The following RELA variants were observed in gnomAD, a reference collection of about 807,000 sequenced individuals.
RELA encodes transcription factor p65.
A neutral mutation model predicts 56.7 loss-of-function variants in RELA; 14 were observed. The observed-to-expected ratio is 0.25, with a 90% CI of 0.16 to 0.39. RELA has a LOEUF of 0.39. RELA is among the 10% of genes least tolerant of loss of function. The probability of loss-of-function intolerance (pLI) is 1.00; values close to 1 mark genes in which losing one functional copy is unlikely to be tolerated. For missense variants in RELA, 559 were observed against 736.4 expected, an observed-to-expected ratio of 0.76 and a Z score of 2.79; for synonymous variants, 315 against 289.7, an observed-to-expected ratio of 1.09 and a Z score of -0.89.
rs1393561951 is a variant in RELA, at chr11:65,658,371, G to C, written c.793C>G (p.Pro265Ala). 1 of 1,613,890 alleles carries C rather than the reference G, an allele frequency of 6.2e-7. No individual in the cohort carries two copies. Among genetic ancestry groups the C allele is most frequent in the South Asian group, 1.1e-5 (1 of 90,990 alleles). Residue 265 changes from proline (P) to alanine (A), a missense_variant, in exon 8 of 11, where the codon CCT becomes GCT. Physicochemically the swap from Pro to Ala is conservative, Grantham distance 27. Around this residue, in one of 4 missense-constraint regions of RELA, gnomAD observed 365 missense variants for 387.5 expected, o/e 0.94. Coordinates refer to ENST00000406246, the MANE Select transcript of RELA (RefSeq NM_021975.4). The surrounding 1 kb of genome is among the most constrained non-coding windows in gnomAD (Gnocchi z 4.5). ...PPYADPSLQAPVRVSMQLRRP... is the reference protein window; with the variant it reads ...PPYADPSLQAAVRVSMQLRRP... ...CGCAGCTGCATGGAGACACGCACAGGAGCCTGCAGGCTGGGGTCTGCGTAG... is the reference window on the plus strand; with the variant it reads ...CGCAGCTGCATGGAGACACGCACAGCAGCCTGCAGGCTGGGGTCTGCGTAG...
intron 5 of RELA, 60 bp from the exon 6 acceptor site, chr11:65,659,857 G>T (rs1378817983): frequency 3.9e-6 from 6 of 1,555,322 alleles, no homozygotes; most frequent in Middle Eastern, 2.0e-4. Context: ...TGCTATCAGT[G>T]GGGGCAGGGA....
rs761466503 is a variant in RELA at position 65,655,850 on chromosome 11, C to A, written c.958+5G>T. 1 of 1,614,042 alleles carries A rather than the reference C, an allele frequency of 6.2e-7. No individual in the cohort carries two copies. Among genetic ancestry groups the A allele is most frequent in the Non-Finnish European group, 8.5e-7 (1 of 1,179,904 alleles). Reference sequence around the variant, plus strand: ...CCTCTCTGGCTTTCCCAGTCCCCATCTCACCGCTGAAAGGACTCTTCTTCA... The same window carrying A: ...CCTCTCTGGCTTTCCCAGTCCCCATATCACCGCTGAAAGGACTCTTCTTCA... On this transcript the variant is annotated splice_donor_5th_base_variant and intron_variant, in intron 9 of 10. Coordinates refer to ENST00000406246, the MANE Select transcript of RELA (RefSeq NM_021975.4).
intron 6 of RELA, 126 bp downstream of exon 6, chr11:65,659,540 G>C: frequency 1.6e-6 from 2 of 1,234,812 alleles, no homozygotes; most frequent in Non-Finnish European, 2.3e-6. Flanking sequence ...GGGCAGAGAA[G>C]AGTAGACAAA....
At position 65,656,950 on chromosome 11, in the gene RELA, C is replaced by T. The variant is rs369177886; in HGVS notation, c.878-1015G>A. 4.8e-4 allele frequency among the ~76,000 whole-genome samples: 73 copies of T among 152,136 alleles called. 1 individual carries two copies. Among genetic ancestry groups the T allele is most frequent in the East Asian group, 3.5e-3 (18 of 5,180 alleles). On this transcript the variant is annotated intron_variant, in intron 8 of 10. Transcript: ENST00000406246. ...TGAGGCAGGGAGAATCACTTGAACC[C>T]GGGAGGTGGAGGTTGCAGTGAGCCG...
chr11:65,658,914 G>T lies in RELA; in HGVS notation c.560-92C>A. On this transcript the variant is annotated intron_variant, in intron 6 of 10. Transcript: ENST00000406246. This position sits in a 1 kb window ranked among gnomAD's most constrained non-coding sequence, Gnocchi z 4.5. ...ATGCAACTTCCCTGCCCAGCCCAGA[G>T]TCAAGGTTGCCCAGAGCTTGCCACC... is the stretch of plus-strand genomic sequence containing the variant. 9.4e-7 allele frequency: 1 copy of T among 1,065,996 alleles called. No homozygotes were observed. Among genetic ancestry groups the T allele is most frequent in the Non-Finnish European group, 1.5e-6 (1 of 689,368 alleles). 66.0% of individuals were successfully genotyped at this position (1,065,996 alleles called of 1,614,324 possible). A position where few individuals can be genotyped will look rare whatever the true frequency, so the allele number is the denominator to read the frequency against.
At chr11:65,661,598 G>T (rs2135571054) in intron 4 of RELA, 89 bp downstream of exon 4, 1 of 1,269,992 alleles carries the variant, frequency 7.9e-7, no homozygotes, top group Non-Finnish European at 1.1e-6. Context: ...TTCTGCCCTG[G>T]GTCCAGAAAG....
chr11:65,659,731 A>G lies in RELA; in HGVS notation c.494T>C (p.Val165Ala), dbSNP rs957917859. ...GAGGGGCCTGCCTGATGGGTCCCGCACTGTCACCTGGAAGCAGAGCCGCAC... is the reference window on the plus strand; with the variant it reads ...GAGGGGCCTGCCTGATGGGTCCCGCGCTGTCACCTGGAAGCAGAGCCGCAC... ...NAVRLCFQVT[V>A]RDPSGRPLRL... The change falls in exon 6 of 11, where the codon GTG (valine) becomes GCG (alanine). Residue 165 changes from valine (V) to alanine (A), a missense_variant. By Grantham distance (64) the Val-to-Ala change is moderately conservative. Coordinates refer to ENST00000406246, the MANE Select transcript of RELA (RefSeq NM_021975.4). 4.3e-6 allele frequency: 7 copies of G among 1,613,764 alleles called. No homozygotes were observed. The highest frequency in any genetic ancestry group is 5.9e-6 in the Non-Finnish European group (7 of 1,179,990).
chr11:65,661,923 G>T lies in RELA; in HGVS notation c.186+14C>A. On this transcript the variant is annotated intron_variant, in intron 3 of 10. Transcript: ENST00000406246. ...CCACAGTCCCTTCCCCGCACACCCT[G>T]GCGCAGTGCTGACCTTGATGGTGGG... 6.2e-7 allele frequency: 1 copy of T among 1,611,752 alleles called. No homozygotes were observed. Among genetic ancestry groups the T allele is most frequent in the Non-Finnish European group, 8.5e-7 (1 of 1,178,658 alleles).
At position 65,659,786 on chromosome 11, in the gene RELA, C is replaced by G; in HGVS notation, c.439G>C (p.Glu147Gln). The change falls in exon 6 of 11, where the codon GAG becomes CAG. Residue 147 changes from glutamate to glutamine, a missense_variant. Coordinates refer to ENST00000406246, the MANE Select transcript of RELA (RefSeq NM_021975.4). The part of the protein sequence containing the change: ...NNNPFQVPIE[E>Q]QRGDYDLNAV... ...TTCAGGTCGTAGTCCCCACGCTGCT[C>G]TTCTATAGGAACTGCCAAGAAAACA... The G allele has an allele frequency of 6.2e-7, 1 of 1,611,788 alleles. No homozygotes were observed. Among genetic ancestry groups the G allele is most frequent in the Non-Finnish European group, 8.5e-7 (1 of 1,178,780 alleles).
chr11:65,655,641 A>AAC, intron 10 of RELA, 47 bp downstream of exon 10: 1 of 1,562,338 alleles, frequency 6.4e-7, no homozygotes. Context: ...TCCTCAGCTG[A>AAC]ACAGAGCTGA....
rs1144792 is a variant in RELA at position 65,655,611 on chromosome 11, G to A, written c.1033+77C>T. ...TTCAGTAGGTCTGTAATGGGGCCCA[G>A]GAGTCTTCATCTCCACTGCTCCTCA... On this transcript the variant is annotated intron_variant, in intron 10 of 10. Coordinates refer to ENST00000406246, the MANE Select transcript of RELA (RefSeq NM_021975.4). 1,401,679 of 1,403,316 alleles carry A rather than the reference G, an allele frequency of 1. 700,042 individuals carry two copies. The highest frequency in any genetic ancestry group is 1 in the East Asian group (42,490 of 42,490). The allele number at this position is 1,403,316 out of a possible 1,614,324, so 86.9% of individuals were successfully genotyped here. A position where few individuals can be genotyped will look rare whatever the true frequency, so the allele number is the denominator to read the frequency against.
rs745468574 is a variant in RELA, at chr11:65,658,388, T to C, written c.776A>G (p.Asp259Gly). The change falls in exon 8 of 11, where the codon GAC becomes GGC. Residue 259 changes from aspartate to glycine, a missense_variant. By Grantham distance (94) the Asp-to-Gly change is moderately conservative. This residue lies in a region of RELA where 365 missense variants were observed against 387.5 expected (regional missense o/e 0.94). Transcript: ENST00000406246. This position sits in a 1 kb window ranked among gnomAD's most constrained non-coding sequence, Gnocchi z 4.5. Reference protein sequence around the residue: ...AIVFRTPPYADPSLQAPVRVS... With the variant: ...AIVFRTPPYAGPSLQAPVRVS... Reference sequence around the variant, plus strand: ...ACGCACAGGAGCCTGCAGGCTGGGGTCTGCGTAGGGAGGGGTCCGGAACAC... The same window carrying C: ...ACGCACAGGAGCCTGCAGGCTGGGGCCTGCGTAGGGAGGGGTCCGGAACAC... 5 of 1,613,556 alleles carry C rather than the reference T, an allele frequency of 3.1e-6. No individual in the cohort carries two copies. The highest frequency in any genetic ancestry group is 2.7e-5 in the African/African-American group (2 of 74,808).
At chr11:65,661,015 G>A (rs1391760350) in intron 4 of RELA, among the ~76,000 whole-genome samples, 1 of 149,890 alleles carries the variant, frequency 6.7e-6, no homozygotes, top group Non-Finnish European at 1.5e-5. Context: ...CTCCAGTCTG[G>A]GGACAGAGCA....
At chr11:65,663,147 G>C (rs1450120807), upstream of RELA, 6 of 212,612 alleles carry the variant, frequency 2.8e-5, no homozygotes, top group Non-Finnish European at 4.6e-5. Context: ...CCCGCCTGGA[G>C]GGTGGGTCCG....
chr11:65,654,584 C>T lies in RELA; in HGVS notation c.1450G>A (p.Val484Met). 1 of 1,613,530 alleles carries T rather than the reference C, an allele frequency of 6.2e-7. No homozygotes were observed. ...FQQLLNQGIP[V>M]APHTTEPMLM... Reference sequence around the variant, plus strand: ...ATGGGCTCAGTTGTGTGGGGGGCCACAGGTATGCCCTGGTTCAGCAGCTGC... The same window carrying T: ...ATGGGCTCAGTTGTGTGGGGGGCCATAGGTATGCCCTGGTTCAGCAGCTGC... The change falls in exon 11 of 11, where the codon GTG (valine) becomes ATG (methionine). Residue 484 changes from valine (V) to methionine (M), a missense_variant. By Grantham distance (21) the Val-to-Met change is conservative. This residue lies in a region of RELA where 365 missense variants were observed against 387.5 expected (regional missense o/e 0.94). Transcript: ENST00000406246.
intron 8 of RELA, among the ~76,000 whole-genome samples, chr11:65,656,345 TATTCTTATCTCTAATGG>T (rs1856427947): frequency 6.6e-6 from 1 of 152,222 alleles, no homozygotes; most frequent in Non-Finnish European, 1.5e-5. Context: ...CAGAGACTCT[TATTCTTATCTCTAATGG>T]TTTCATATTT....
intron 6 of RELA, among the ~76,000 whole-genome samples, chr11:65,659,442 C>T (rs1045799679): frequency 2.0e-5 from 3 of 152,166 alleles, no homozygotes; most frequent in African/African-American, 7.2e-5. Context: ...CCATCAGACT[C>T]TCTGCTAGAC....
chr11:65,661,924 G>C lies in RELA; in HGVS notation c.186+13C>G, dbSNP rs1303641754. The C allele has an allele frequency of 6.2e-7, 1 of 1,611,786 alleles. No homozygotes were observed. The highest frequency in any genetic ancestry group is 1.7e-5 in the Admixed American group (1 of 59,736). On this transcript the variant is annotated intron_variant, in intron 3 of 10. Coordinates refer to ENST00000406246, the MANE Select transcript of RELA (RefSeq NM_021975.4). ...CACAGTCCCTTCCCCGCACACCCTG[G>C]CGCAGTGCTGACCTTGATGGTGGGG...
At chr11:65,660,030 CTT>C (rs1174568132) in intron 5 of RELA, 92 bp downstream of exon 5, 2 of 1,332,356 alleles carry the variant, frequency 1.5e-6, no homozygotes. Flanking sequence ...AAGATTCCAG[CTT>C]TACTGTGTCT....
Sources: allele counts gnomAD v4.1 joint callset (sites outside exome capture counted in the v4.1 genomes callset), GRCh38; gene constraint gnomAD v4.1.1; regional missense constraint gnomAD v4.1.1; non-coding constraint Gnocchi (gnomAD v3.1); transcripts MANE v1.5; gene names NCBI Gene and HGNC (gene_info 2026-07-23, HGNC 2026-07-21).